Variants in LSM14A observed in about 807,000 individuals in gnomAD.
LSM14A encodes protein LSM14 homolog A.
LSM14A carries 14 observed loss-of-function variants against 52.4 expected under a neutral mutation model. That is an observed-to-expected ratio of 0.27 (90% CI 0.18 to 0.42). The LOEUF (loss-of-function observed/expected upper bound fraction) is 0.42. LSM14A is among the 10% of genes least tolerant of loss of function. The pLI, the probability that LSM14A is intolerant of heterozygous loss-of-function variation, is 1.00. For synonymous variants in LSM14A, 185 were observed against 200.3 expected (o/e 0.92, Z 0.64); for missense variants, 417 against 581.8 (o/e 0.72, Z 2.91).
chr19:34,195,509 T>A (rs1026961409), intron 2 of LSM14A, among the ~76,000 whole-genome samples: 8 of 152,138 alleles, frequency 5.3e-5, no homozygotes, highest in African/African-American at 1.9e-4. Flanking sequence ...AACACAAACA[T>A]CAATGTATTT....
chr19:34,187,800 C>T (rs1200414304), intron 1 of LSM14A, among the ~76,000 whole-genome samples: 1 of 152,028 alleles, frequency 6.6e-6, no homozygotes, highest in South Asian at 2.1e-4. Flanking sequence ...ACCAGTTTGG[C>T]ATTAGGATGA....
At chr19:34,201,635 C>A (rs2071297361) in intron 3 of LSM14A, among the ~76,000 whole-genome samples, 1 of 152,136 alleles carries the variant, frequency 6.6e-6, no homozygotes, top group African/African-American at 2.4e-5. Context: ...GCCACCATGC[C>A]CAGCCAAATT....
rs554867160 is a variant in LSM14A, at chr19:34,205,701, C to T, written c.416-3228C>T. 3.0e-4 allele frequency among the ~76,000 whole-genome samples: 45 copies of T among 150,604 alleles called. 1 individual carries two copies. The highest frequency in any genetic ancestry group is 7.6e-4 in the African/African-American group (31 of 40,958). ...TGTCTCTAAGAAAAGTTGGTGAGGACGCCAGGGGACAGCTAGGAAAAAAAA... is the reference window on the plus strand; with the variant it reads ...TGTCTCTAAGAAAAGTTGGTGAGGATGCCAGGGGACAGCTAGGAAAAAAAA... On this transcript the variant is annotated intron_variant, in intron 3 of 9. Coordinates refer to ENST00000544216, the MANE Select transcript of LSM14A (RefSeq NM_015578.4).
chr19:34,218,099 G>A (rs1015872066), intron 6 of LSM14A, among the ~76,000 whole-genome samples: 17 of 150,544 alleles, frequency 1.1e-4, no homozygotes, highest in Non-Finnish European at 2.1e-4. Flanking sequence ...TGCCTCCCGG[G>A]TTCAAGCCAT....
chr19:34,204,169 C>T (rs1427653800), intron 3 of LSM14A, among the ~76,000 whole-genome samples: 1 of 152,046 alleles, frequency 6.6e-6, no homozygotes, highest in Admixed American at 6.6e-5. Context: ...ACAGTATACC[C>T]AACAATTGCA....
chr19:34,178,716 C>T (rs549122952), intron 1 of LSM14A, among the ~76,000 whole-genome samples: 3 of 152,180 alleles, frequency 2.0e-5, no homozygotes, highest in Non-Finnish European at 4.4e-5. Context: ...GGTATACCTC[C>T]AAATAATGCT....
chr19:34,219,352 A>C, intron 6 of LSM14A, 39 bp from the exon 7 acceptor site: 1 of 1,445,890 alleles, frequency 6.9e-7, no homozygotes, highest in Non-Finnish European at 9.5e-7. Flanking sequence ...CAGCTATTAC[A>C]TATTGAATGT....
intron 9 of LSM14A, among the ~76,000 whole-genome samples, chr19:34,224,877 G>A (rs2073259159): frequency 6.6e-6 from 1 of 152,124 alleles, no homozygotes; most frequent in African/African-American, 2.4e-5. Flanking sequence ...ACATTTTGGT[G>A]GGAGACAGAC....
intron 9 of LSM14A, among the ~76,000 whole-genome samples, chr19:34,225,753 G>A (rs1041037175): frequency 2.4e-4 from 37 of 152,154 alleles, no homozygotes; most frequent in African/African-American, 8.4e-4. Flanking sequence ...CTTGTGGCCT[G>A]ATTTTCCTTA....
chr19:34,197,533 GGCTTAAGCAGT>G (rs2070948789), intron 3 of LSM14A, among the ~76,000 whole-genome samples: 3 of 145,548 alleles, frequency 2.1e-5, no homozygotes, highest in African/African-American at 7.7e-5. Flanking sequence ...CCACCTCCCA[GGCTTAAGCAGT>G]GCTCCTGCCT....
intron 3 of LSM14A, among the ~76,000 whole-genome samples, chr19:34,202,555 A>C (rs917388537): frequency 2.0e-5 from 3 of 152,058 alleles, no homozygotes; most frequent in African/African-American, 7.2e-5. Flanking sequence ...ACACTGAGAC[A>C]CCATTTCTCA....
chr19:34,223,496 C>A (rs543660296), intron 9 of LSM14A, among the ~76,000 whole-genome samples: 2 of 152,354 alleles, frequency 1.3e-5, no homozygotes, highest in African/African-American at 4.8e-5. Flanking sequence ...CATCATCTTC[C>A]TTCTCTCCTG....
At chr19:34,184,738 A>C (rs935862323) in intron 1 of LSM14A, among the ~76,000 whole-genome samples, 11 of 152,176 alleles carry the variant, frequency 7.2e-5, no homozygotes, top group African/African-American at 2.7e-4. Flanking sequence ...TTTAGGTTAC[A>C]GATTGTTATT....
intron 1 of LSM14A, among the ~76,000 whole-genome samples, chr19:34,183,045 C>T (rs1238478467): frequency 6.6e-6 from 1 of 152,028 alleles, no homozygotes; most frequent in Non-Finnish European, 1.5e-5. Context: ...TGCTTTTTCA[C>T]TCTTATATCA....
At chr19:34,175,675 A>C (rs1347911628) in intron 1 of LSM14A, among the ~76,000 whole-genome samples, 1 of 152,236 alleles carries the variant, frequency 6.6e-6, no homozygotes, top group Non-Finnish European at 1.5e-5. Context: ...TGTCTAGTCA[A>C]TACTGGACAC....
intron 6 of LSM14A, among the ~76,000 whole-genome samples, chr19:34,215,907 T>C (rs1002911456): frequency 1.3e-5 from 2 of 152,068 alleles, no homozygotes; most frequent in African/African-American, 4.8e-5. Flanking sequence ...AATGAGTACA[T>C]GTACAAACTG....
chr19:34,210,081 G>C (rs1171895282), intron 4 of LSM14A, among the ~76,000 whole-genome samples: 1 of 151,794 alleles, frequency 6.6e-6, no homozygotes, highest in African/African-American at 2.4e-5. Flanking sequence ...TTATATGAAT[G>C]GTTTTTGTTT....
Position 34,221,699 on chromosome 19 carries a change from A to G in LSM14A, c.1329A>G (p.Gly443=). The G allele has an allele frequency of 6.2e-7, 1 of 1,613,618 alleles. No homozygotes were observed. Among genetic ancestry groups the G allele is most frequent in the Non-Finnish European group, 8.5e-7 (1 of 1,179,634 alleles). ...APRGFRGGFR[G]GRGGREFADF... ...GAGGATTTCGCGGTGGATTCAGAGG[A>G]GGTCGTGGGGGCCGGGAGTTTGCGG... Residue 443 remains glycine (G), a synonymous_variant, in exon 9 of 10, where the codon GGA becomes GGG. Transcript: ENST00000544216.
Position 34,227,704 on chromosome 19 carries a change from T to G in LSM14A, c.*316T>G. The G allele has an allele frequency of 3.8e-6, 1 of 266,208 alleles. No individual in the cohort carries two copies. The highest frequency in any genetic ancestry group is 7.0e-6 in the Non-Finnish European group (1 of 143,426). The allele number at this position is 266,208 out of a possible 1,614,324, so 16.5% of individuals were successfully genotyped here. On this transcript the variant is annotated 3_prime_UTR_variant, in exon 10 of 10. Transcript: ENST00000544216. ...AAGTATTTTTTCATCACTGAAAGGT[T>G]TTTTTTTTTTATCACTAAATTGTAT...
Sources: gnomAD v4.1 joint callset for allele counts (sites outside exome capture counted in the v4.1 genomes callset) on GRCh38, gnomAD v4.1.1 for gene constraint, MANE v1.5 for transcripts, NCBI Gene and HGNC (gene_info 2026-07-23, HGNC 2026-07-21) for gene names.